LRRC69: variants seen among roughly 807,000 people sequenced by gnomAD.
The protein encoded by LRRC69 is leucine rich repeat containing 69, also known as leucine-rich repeat-containing protein 69.
LRRC69 carries 42 observed loss-of-function variants against 37.8 expected under a neutral mutation model. The observed-to-expected ratio is 1.11, with a 90% CI of 0.87 to 1.44. The LOEUF is 1.44. Among genes scored for constraint, LRRC69 ranks in the 40% most tolerant of loss-of-function variants. LRRC69 has a pLI of 0.00. For missense variants in LRRC69, 357 were observed against 401.9 expected, an observed-to-expected ratio of 0.89 and a Z score of 0.96; for synonymous variants, 141 against 143.1, an observed-to-expected ratio of 0.99 and a Z score of 0.11.
intron 3 of LRRC69, chr8:91,130,978 C>G (rs1813799501): frequency 6.6e-6 from 1 of 151,978 alleles, no homozygotes; most frequent in Non-Finnish European, 1.5e-5. Context: ...ATGACCTAAT[C>G]ATCTCCCAAA....
chr8:91,198,988 T>G (rs1176612422), intron 6 of LRRC69, among the ~76,000 whole-genome samples: 1 of 152,200 alleles, frequency 6.6e-6, no homozygotes, highest in Admixed American at 6.5e-5. Flanking sequence ...TCAGATATAC[T>G]GAGTGCAACA....
At chr8:91,126,337 G>GAAA (rs1813712326) in intron 2 of LRRC69, among the ~76,000 whole-genome samples, 1 of 151,970 alleles carries the variant, frequency 6.6e-6, no homozygotes, top group Non-Finnish European at 1.5e-5. Flanking sequence ...CAAACTGGTG[G>GAAA]CCCATGGGCT....
intron 7 of LRRC69, among the ~76,000 whole-genome samples, chr8:91,217,527 T>G (rs1280247735): frequency 6.6e-6 from 1 of 152,158 alleles, no homozygotes; most frequent in Non-Finnish European, 1.5e-5. Flanking sequence ...TTGAACTGTC[T>G]TGCCTTATGT....
chr8:91,102,885 A>T, intron 1 of LRRC69, 41 bp downstream of exon 1: 1 of 1,500,332 alleles, frequency 6.7e-7, no homozygotes, highest in Non-Finnish European at 8.9e-7. Flanking sequence ...GGTATTGAAG[A>T]TGGAAAACAG....
At chr8:91,172,208 G>C (rs1809144740) in intron 5 of LRRC69, among the ~76,000 whole-genome samples, 1 of 151,828 alleles carries the variant, frequency 6.6e-6, no homozygotes, top group South Asian at 2.1e-4. Flanking sequence ...CAATAAAAAT[G>C]CTTCTATAAA....
chr8:91,174,780 C>CT (rs1274344317), intron 5 of LRRC69, among the ~76,000 whole-genome samples: 1 of 152,234 alleles, frequency 6.6e-6, no homozygotes, highest in Non-Finnish European at 1.5e-5. Context: ...CTCATTCCAG[C>CT]TTTTCTTTGT....
chr8:91,189,349 A>G (rs1161254613), intron 5 of LRRC69, among the ~76,000 whole-genome samples, 173 bp from the exon 6 acceptor site: 3 of 152,116 alleles, frequency 2.0e-5, no homozygotes, highest in South Asian at 2.1e-4. Flanking sequence ...TAAGTAGAGT[A>G]TGCCCCAGTG....
At chr8:91,150,691 T>G (rs1808718243) in intron 5 of LRRC69, among the ~76,000 whole-genome samples, 1 of 152,064 alleles carries the variant, frequency 6.6e-6, no homozygotes, top group African/African-American at 2.4e-5. Context: ...TCTGGTAGAA[T>G]TCGGCTGTGA....
At chr8:91,119,247 C>G (rs1813572528) in intron 1 of LRRC69, among the ~76,000 whole-genome samples, 1 of 151,848 alleles carries the variant, frequency 6.6e-6, no homozygotes, top group Non-Finnish European at 1.5e-5. Flanking sequence ...CTGGACCTTT[C>G]TGTATAATTT....
At chr8:91,143,173 A>G (rs543811815) in intron 5 of LRRC69, among the ~76,000 whole-genome samples, 1 of 152,190 alleles carries the variant, frequency 6.6e-6, no homozygotes, top group East Asian at 1.9e-4. Flanking sequence ...ATTTTTTAGC[A>G]TGTGAATTTA....
At chr8:91,150,239 A>C (rs991099943) in intron 5 of LRRC69, among the ~76,000 whole-genome samples, 26 of 151,882 alleles carry the variant, frequency 1.7e-4, no homozygotes, top group Admixed American at 1.7e-3. Flanking sequence ...GATAGCTCTT[A>C]TTATTTTGAG....
chr8:91,214,996 A>G (rs1041351580), intron 7 of LRRC69, among the ~76,000 whole-genome samples: 1 of 151,992 alleles, frequency 6.6e-6, no homozygotes, highest in African/African-American at 2.4e-5. Context: ...CTTCAAAGTC[A>G]GTATTGGCTG....
At chr8:91,172,306 C>A (rs1250118971) in intron 5 of LRRC69, among the ~76,000 whole-genome samples, 1 of 151,974 alleles carries the variant, frequency 6.6e-6, no homozygotes, top group African/African-American at 2.4e-5. Context: ...AAAAATTATG[C>A]ACACTTCTAC....
chr8:91,110,835 G>A (rs953075938), intron 1 of LRRC69, among the ~76,000 whole-genome samples: 1 of 152,028 alleles, frequency 6.6e-6, no homozygotes, highest in African/African-American at 2.4e-5. Context: ...TGAATATAGG[G>A]GCTAGTGAGA....
chr8:91,174,533 CAGAT>C lies in LRRC69; in HGVS notation c.652-14987_652-14984del, dbSNP rs375417051. On this transcript the variant is annotated intron_variant, in intron 5 of 7. Transcript: ENST00000448384. The stretch of plus-strand genomic sequence containing the variant: ...GACCACTCAAGTTTTAATTTCCTGT[CAGAT>C]AAGATAAATGGAAGACAAGATCTCA... Among the ~76,000 whole-genome samples the C allele has an allele frequency of 1.8e-4, 28 of 152,262 alleles. No individual in the cohort carries two copies. In the East Asian group the frequency reaches 5.4e-3, roughly 29 times the overall value.
At chr8:91,122,787 G>C (rs1462522379) in intron 1 of LRRC69, among the ~76,000 whole-genome samples, 1 of 152,024 alleles carries the variant, frequency 6.6e-6, no homozygotes, top group Non-Finnish European at 1.5e-5. Flanking sequence ...TTTTGGAAGA[G>C]ACTGCAAATA....
intron 6 of LRRC69, among the ~76,000 whole-genome samples, chr8:91,196,362 T>C (rs947683522): frequency 1.3e-5 from 2 of 151,864 alleles, no homozygotes; most frequent in African/African-American, 4.9e-5. Flanking sequence ...TGTTGTGTTC[T>C]CTGTATTTCC....
chr8:91,104,801 G>A (rs981177424), intron 1 of LRRC69, among the ~76,000 whole-genome samples: 4 of 152,024 alleles, frequency 2.6e-5, no homozygotes, highest in African/African-American at 7.2e-5. Flanking sequence ...TGGGTATGTG[G>A]TAGTTAAATT....
exon 2 of LRRC69, chr8:91,124,545 T>C (rs1813686547): frequency 1.3e-6 from 2 of 1,541,240 alleles, no homozygotes; most frequent in Non-Finnish European, 1.8e-6. Context: ...CCGGAAGAGA[T>C]GAAATATCTT....
Sources: allele counts gnomAD v4.1 joint callset (sites outside exome capture counted in the v4.1 genomes callset), GRCh38; gene constraint gnomAD v4.1.1; transcripts MANE v1.5; gene names NCBI Gene and HGNC (gene_info 2026-07-23, HGNC 2026-07-21).